The following SEMA3A variants were observed in gnomAD, a reference collection of about 807,000 sequenced individuals.
The protein encoded by SEMA3A is semaphorin 3A, also known as semaphorin-3A.
Under a neutral mutation model 97.9 loss-of-function variants are expected in SEMA3A, and 29 were observed. The ratio of observed to expected loss-of-function variants is 0.30; its 90% CI spans 0.22 to 0.40. SEMA3A has a LOEUF of 0.40. Ranked by LOEUF, SEMA3A falls within the 10% of genes least tolerant of loss-of-function variation. The probability of loss-of-function intolerance (pLI) is 1.00; values close to 1 mark genes in which losing one functional copy is unlikely to be tolerated. For missense variants in SEMA3A, 763 were observed against 951.3 expected (o/e 0.80, Z 2.60); for synonymous variants, 321 against 323.7 (o/e 0.99, Z 0.09).
intron 4 of SEMA3A, among the ~76,000 whole-genome samples, chr7:84,104,420 T>A (rs987269521): frequency 1.3e-5 from 2 of 152,098 alleles, no homozygotes; most frequent in African/African-American, 4.8e-5. Context: ...GTCACTGTTT[T>A]TAGGGGAAAA....
intron 12 of SEMA3A, among the ~76,000 whole-genome samples, chr7:83,990,037 G>A (rs1584512687): frequency 6.6e-6 from 1 of 151,960 alleles, no homozygotes; most frequent in African/African-American, 2.4e-5. Flanking sequence ...GTATCTCATT[G>A]TGGTTTTGAT....
chr7:84,469,120 C>T (rs749649728), intron 1 of SEMA3A, among the ~76,000 whole-genome samples: 3 of 152,084 alleles, frequency 2.0e-5, no homozygotes, highest in Non-Finnish European at 4.4e-5. Context: ...CCATGTTTTA[C>T]GTTTTGATAT....
At chr7:84,295,601 A>G (rs1409324933) in intron 3 of SEMA3A, among the ~76,000 whole-genome samples, 1 of 152,022 alleles carries the variant, frequency 6.6e-6, no homozygotes, top group Non-Finnish European at 1.5e-5. Flanking sequence ...ACTTAAATAA[A>G]TTATGCAGAA....
At chr7:83,963,542 G>A (rs1788559739) in intron 15 of SEMA3A, among the ~76,000 whole-genome samples, 195 bp from the exon 16 acceptor site, 1 of 152,076 alleles carries the variant, frequency 6.6e-6, no homozygotes, top group African/African-American at 2.4e-5. Context: ...TAATCATTTT[G>A]GTATGGGTTA....
chr7:84,136,378 A>G lies in SEMA3A; in HGVS notation c.113-1427T>C, dbSNP rs1162522301. On this transcript the variant is annotated intron_variant, in intron 1 of 16. Coordinates refer to ENST00000265362, the MANE Select transcript of SEMA3A (RefSeq NM_006080.3). ...AAATATGATTTCAACAGAGGATAAAATTCATACTCTTTAACTTAGCACTAA... is the reference window on the plus strand; with the variant it reads ...AAATATGATTTCAACAGAGGATAAAGTTCATACTCTTTAACTTAGCACTAA... 5.3e-5 allele frequency among the ~76,000 whole-genome samples: 8 copies of G among 152,162 alleles called. No homozygotes were observed. The East Asian group carries it at 1.5e-3, about 29-fold the overall frequency.
chr7:84,250,016 G>A (rs1345645431), intron 3 of SEMA3A, among the ~76,000 whole-genome samples: 1 of 151,034 alleles, frequency 6.6e-6, no homozygotes, highest in Non-Finnish European at 1.5e-5. Flanking sequence ...ATTTCAACAA[G>A]CCTGATTTCT....
At position 84,134,936 on chromosome 7, in the gene SEMA3A, T is replaced by C; in HGVS notation, c.128A>G (p.Asn43Ser). Reference sequence around the variant, plus strand: ...CAAGCCATTGAAAGTGATCACATTGTTGGATTCCAACATTTCTGCAAGGTA... The same window carrying C: ...CAAGCCATTGAAAGTGATCACATTGCTGGATTCCAACATTTCTGCAAGGTA... ...KLSYKEMLES[N>S]NVITFNGLAN... The change falls in exon 2 of 17, where the codon AAC (asparagine) becomes AGC (serine). Residue 43 changes from asparagine (N) to serine (S), a missense_variant. Asn to Ser is a conservative substitution (Grantham distance 46, BLOSUM62 1). This residue lies in a region of SEMA3A where 85 missense variants were observed against 70.0 expected (regional missense o/e 1.21). Transcript: ENST00000265362. 6.2e-7 allele frequency: 1 copy of C among 1,612,916 alleles called. No homozygotes were observed. The highest frequency in any genetic ancestry group is 8.5e-7 in the Non-Finnish European group (1 of 1,179,674).
chr7:84,219,873 G>T (rs557914610), intron 3 of SEMA3A, among the ~76,000 whole-genome samples: 1 of 152,236 alleles, frequency 6.6e-6, no homozygotes, highest in South Asian at 2.1e-4. Flanking sequence ...TCTTTTTCTG[G>T]TGAAGGGTCT....
chr7:84,012,688 G>A (rs904676294), intron 7 of SEMA3A, among the ~76,000 whole-genome samples: 4 of 152,044 alleles, frequency 2.6e-5, no homozygotes, highest in Admixed American at 6.5e-5. Context: ...CGTTAATAAA[G>A]GAAACTCATT....
At chr7:84,447,313 G>T (rs1805439525) in intron 1 of SEMA3A, among the ~76,000 whole-genome samples, 1 of 152,168 alleles carries the variant, frequency 6.6e-6, no homozygotes, top group African/African-American at 2.4e-5. Context: ...GTAACAGGAG[G>T]CAGATAGGCT....
intron 4 of SEMA3A, among the ~76,000 whole-genome samples, chr7:84,109,704 G>C (rs1360373260): frequency 6.6e-6 from 1 of 152,088 alleles, no homozygotes; most frequent in African/African-American, 2.4e-5. Context: ...CTGAATTCCA[G>C]TTTTGAAGAA....
chr7:83,961,925 G>T, intron 16 of SEMA3A, 99 bp from the exon 17 acceptor site: 1 of 858,526 alleles, frequency 1.2e-6, no homozygotes, highest in Non-Finnish European at 1.7e-6. Flanking sequence ...ATGTGTTGAG[G>T]CACATTTTAA....
chr7:84,050,641 T>G (rs2115613489), intron 5 of SEMA3A, among the ~76,000 whole-genome samples: 1 of 152,230 alleles, frequency 6.6e-6, no homozygotes, highest in Non-Finnish European at 1.5e-5. Context: ...TGCGAAAATT[T>G]TCTCCCATTT....
intron 2 of SEMA3A, among the ~76,000 whole-genome samples, chr7:84,342,400 T>G (rs992809135): frequency 6.6e-6 from 1 of 152,152 alleles, no homozygotes; most frequent in Admixed American, 6.5e-5. Flanking sequence ...TTATTTAACA[T>G]CTACACGATG....
chr7:84,136,745 G>A (rs1227839343), intron 1 of SEMA3A, among the ~76,000 whole-genome samples: 5 of 151,714 alleles, frequency 3.3e-5, no homozygotes, highest in Non-Finnish European at 7.4e-5. Flanking sequence ...ATATTACCTG[G>A]TCAACAATGT....
At chr7:84,209,790 T>G (rs185647582) in intron 3 of SEMA3A, among the ~76,000 whole-genome samples, 1 of 152,276 alleles carries the variant, frequency 6.6e-6, no homozygotes, top group African/African-American at 2.4e-5. Context: ...ACATATAAAT[T>G]TATTAAATAA....
rs1802963458 is a variant in SEMA3A at position 84,371,084 on chromosome 7, T to C, written c.-169+740A>G. On this transcript the variant is annotated intron_variant, in intron 2 of 3. Transcript: ENST00000424555. ...ACATATATACATGGATGTACATTCATATAGGTTAGAAGCACTGGGTCACAT... is the reference window on the plus strand; with the variant it reads ...ACATATATACATGGATGTACATTCACATAGGTTAGAAGCACTGGGTCACAT... 1.3e-5 allele frequency among the ~76,000 whole-genome samples: 2 copies of C among 151,740 alleles called. 1 individual carries two copies. Among genetic ancestry groups the C allele is most frequent in the South Asian group, 4.1e-4 (2 of 4,826 alleles).
chr7:84,162,950 A>G (rs1173626504), intron 1 of SEMA3A, among the ~76,000 whole-genome samples: 1 of 152,216 alleles, frequency 6.6e-6, no homozygotes, highest in Non-Finnish European at 1.5e-5. Flanking sequence ...GAGCTACTAC[A>G]TGGAGGTTAG....
chr7:84,425,516 G>A (rs999391313), intron 1 of SEMA3A, among the ~76,000 whole-genome samples: 22 of 139,880 alleles, frequency 1.6e-4, no homozygotes, highest in Middle Eastern at 4.2e-3. Context: ...ATATTCATAT[G>A]AATATAAGCA....
Sources: gnomAD v4.1 joint callset for allele counts (sites outside exome capture counted in the v4.1 genomes callset) on GRCh38, gnomAD v4.1.1 for gene constraint, gnomAD v4.1.1 regional missense constraint, MANE v1.5 for transcripts, NCBI Gene and HGNC (gene_info 2026-07-23, HGNC 2026-07-21) for gene names.